CROCC: variants seen among roughly 807,000 people sequenced by gnomAD.
CROCC encodes the protein ciliary rootlet coiled-coil, rootletin.
CROCC carries 180 observed loss-of-function variants against 245.2 expected under a neutral mutation model. The observed-to-expected ratio is 0.73, with a 90% CI of 0.65 to 0.83. The LOEUF is 0.83. CROCC is among the 40% of genes least tolerant of loss of function. CROCC has a pLI of 0.00. For synonymous variants in CROCC, 1,205 were observed against 1,241.6 expected, an observed-to-expected ratio of 0.97 and a Z score of 0.62; for missense variants, 2,688 against 2,779.4, an observed-to-expected ratio of 0.97 and a Z score of 0.74.
Position 16,970,257 on chromosome 1 carries a change from T to C in CROCC, c.5456T>C (p.Leu1819Pro), listed in dbSNP as rs2076492425. 3.2e-6 allele frequency: 5 copies of C among 1,553,846 alleles called. No homozygotes were observed. The highest frequency in any genetic ancestry group is 4.4e-6 in the Non-Finnish European group (5 of 1,145,170). ...EGQLQQLREV[L>P]RQRQEGEAAA... ...CCTGCCTGGCTTCTGTTGCAGGTGC[T>C]GCGGCAGCGGCAGGAGGGTGAGGCT... The change falls in exon 34 of 37, where the codon CTG (leucine) becomes CCG (proline). Residue 1819 changes from leucine to proline, a missense_variant. Leu to Pro is a moderately conservative substitution (Grantham distance 98). Transcript: ENST00000375541.
intron 2 of CROCC, among the ~76,000 whole-genome samples, chr1:16,923,742 G>A (rs538031601): frequency 7.3e-4 from 103 of 141,786 alleles, no homozygotes; most frequent in African/African-American, 2.5e-3. Flanking sequence ...GTGCAGTGGC[G>A]CAATCTCAGC....
intron 21 of CROCC, chr1:16,953,771 A>G (rs1413705145): frequency 1.4e-4 from 50 of 355,334 alleles, no homozygotes; most frequent in Non-Finnish European, 2.2e-4. Context: ...CTGGGCATGG[A>G]TCCTCATGGC....
Position 16,970,266 on chromosome 1 carries a change from G to A in CROCC, c.5465G>A (p.Arg1822Gln), listed in dbSNP as rs372472818. 45 of 1,558,714 alleles carry A rather than the reference G, an allele frequency of 2.9e-5. No homozygotes were observed. Among genetic ancestry groups the A allele is most frequent in the Admixed American group, 1.3e-4 (7 of 53,824 alleles). The change falls in exon 34 of 37, where the codon CGG becomes CAG. Residue 1822 changes from arginine (R) to glutamine (Q), a missense_variant. This residue lies in a region of CROCC where 1,218 missense variants were observed against 1,286.3 expected (regional missense o/e 0.95). Coordinates refer to ENST00000375541, the MANE Select transcript of CROCC (RefSeq NM_014675.5). Reference protein sequence around the residue: ...LQQLREVLRQRQEGEAAALNT... With the variant: ...LQQLREVLRQQQEGEAAALNT... ...CTTCTGTTGCAGGTGCTGCGGCAGC[G>A]GCAGGAGGGTGAGGCTGCAGCCCTG...
upstream of CROCC, among the ~76,000 whole-genome samples, chr1:16,920,903 C>T (rs2075389907): frequency 6.6e-6 from 1 of 152,214 alleles, no homozygotes; most frequent in Non-Finnish European, 1.5e-5. Context: ...ACCACCACAC[C>T]CGGCTAATTT....
At chr1:16,946,684 G>A (rs2076053926) in intron 16 of CROCC, 77 bp from the exon 17 acceptor site, 15 of 1,420,236 alleles carry the variant, frequency 1.1e-5, no homozygotes, top group Admixed American at 8.2e-5. Context: ...ATTGTTGCTG[G>A]TGGGTGGGTG....
chr1:16,914,535 G>A (rs1487219857), intron 1 of CROCC, among the ~76,000 whole-genome samples: 2 of 152,284 alleles, frequency 1.3e-5, no homozygotes, highest in Admixed American at 6.5e-5. Context: ...CCTCGTGTGG[G>A]ATCCGGTTTC....
At position 16,972,367 on chromosome 1, in the gene CROCC, C is replaced by T; in HGVS notation, c.5975C>T (p.Thr1992Ile). ...CTTCCCTTTCTTCCCCAGGTGTCCA[C>T]ACTGAAGGGCCAGCTGCAGCAGGAG... ...RVRGLEEQVSTLKGQLQQELR... is the reference protein window; with the variant it reads ...RVRGLEEQVSILKGQLQQELR... The change falls in exon 37 of 37, where the codon ACA (threonine) becomes ATA (isoleucine). Residue 1992 changes from threonine to isoleucine, a missense_variant. Coordinates refer to ENST00000375541, the MANE Select transcript of CROCC (RefSeq NM_014675.5). The T allele has an allele frequency of 6.2e-7, 1 of 1,613,868 alleles. No homozygotes were observed.
intron 13 of CROCC, among the ~76,000 whole-genome samples, chr1:16,943,579 C>T (rs1216516459): frequency 2.0e-5 from 3 of 151,964 alleles, no homozygotes; most frequent in Non-Finnish European, 4.4e-5. Flanking sequence ...GAAGTTTTTT[C>T]GCACCTATGG....
intron 10 of CROCC, among the ~76,000 whole-genome samples, chr1:16,938,126 T>C (rs2075833035): frequency 6.6e-6 from 1 of 152,236 alleles, no homozygotes. Context: ...GGGTACAGCC[T>C]GGTTTGGTCA....
At position 16,972,530 on chromosome 1, in the gene CROCC, G is replaced by A. The variant is rs948846844; in HGVS notation, c.*84G>A. ...TGGACAGCCCCCCCACCCAGAGCCC[G>A]GTCCCTTGGGGGCCTCAAGCTGGGG... On this transcript the variant is annotated 3_prime_UTR_variant, in exon 37 of 37. Transcript: ENST00000375541. 2.8e-5 allele frequency: 24 copies of A among 872,130 alleles called. No homozygotes were observed. Among genetic ancestry groups the A allele is most frequent in the South Asian group, 2.1e-4 (11 of 53,452 alleles). 54.0% of individuals were successfully genotyped at this position (872,130 alleles called of 1,614,324 possible).
intron 33 of CROCC, 117 bp from the exon 34 acceptor site, chr1:16,970,136 C>A: frequency 8.1e-7 from 1 of 1,230,128 alleles, no homozygotes. Context: ...TGACAATTCT[C>A]TGATGTGGGC....
chr1:16,951,165 G>A, intron 20 of CROCC, 43 bp downstream of exon 20: 1 of 1,414,706 alleles, frequency 7.1e-7, no homozygotes, highest in Non-Finnish European at 9.3e-7. Flanking sequence ...CTGAGCCAGT[G>A]TTTCATCATC....
At chr1:16,935,408 CT>C (rs1444313461) in intron 8 of CROCC, among the ~76,000 whole-genome samples, 1 of 152,208 alleles carries the variant, frequency 6.6e-6, no homozygotes, top group Non-Finnish European at 1.5e-5. Context: ...AACTTCTCCA[CT>C]GGTTTTTTTG....
At chr1:16,939,860 GC>G (rs371835878) in intron 12 of CROCC, 33 bp from the exon 13 acceptor site, 11 of 1,605,518 alleles carry the variant, frequency 6.9e-6, no homozygotes, top group Admixed American at 5.0e-5. Flanking sequence ...GGCCTCTCAG[GC>G]CCCCCCAGAC....
chr1:16,934,892 C>CTTTTTTTTT (rs556637657), intron 8 of CROCC, among the ~76,000 whole-genome samples: 19 of 128,484 alleles, frequency 1.5e-4, no homozygotes, highest in Non-Finnish European at 1.8e-4. Context: ...TCAGCAGTTT[C>CTTTTTTTTT]TTTTTTTTTT....
At position 16,954,843 on chromosome 1, in the gene CROCC, A is replaced by C; in HGVS notation, c.3431A>C (p.Asp1144Ala). 2 of 1,545,282 alleles carry C rather than the reference A, an allele frequency of 1.3e-6. No individual in the cohort carries two copies. The highest frequency in any genetic ancestry group is 1.8e-6 in the Non-Finnish European group (2 of 1,142,158). ...AGGAGGCTGCAAGAGCAGGCCCGAGACCTGGGCAAGCAGCGGGACTCCTGT... is the reference window on the plus strand; with the variant it reads ...AGGAGGCTGCAAGAGCAGGCCCGAGCCCTGGGCAAGCAGCGGGACTCCTGT... ...EVRRLQEQAR[D>A]LGKQRDSCLR... Residue 1144 changes from aspartate (D) to alanine (A), a missense_variant, in exon 23 of 37, where the codon GAC (aspartate) becomes GCC (alanine). By Grantham distance (126) the Asp-to-Ala change is moderately radical (BLOSUM62 -2). This residue lies in a region of CROCC where 1,218 missense variants were observed against 1,286.3 expected (regional missense o/e 0.95). Transcript: ENST00000375541. This position sits in a 1 kb window ranked among gnomAD's most constrained non-coding sequence, Gnocchi z 4.4.
rs766531867 is a variant in CROCC at position 16,924,439 on chromosome 1, G to A, written c.311G>A (p.Arg104His). Residue 104 changes from arginine (R) to histidine (H), a missense_variant, in exon 3 of 37, where the codon CGC (arginine) becomes CAC (histidine). Around this residue, in one of 9 missense-constraint regions of CROCC, gnomAD observed 972 missense variants for 895.3 expected, o/e 1.09. Coordinates refer to ENST00000375541, the MANE Select transcript of CROCC (RefSeq NM_014675.5). ...EDLLAQSRAE[R>H]DELAIKYNAV... ...CTGCTGGCCCAGAGCCGTGCCGAGC[G>A]CGATGAGCTCGCCATTAAGTACAAT... is the stretch of plus-strand genomic sequence containing the variant. The A allele has an allele frequency of 3.7e-5, 59 of 1,613,254 alleles. No individual in the cohort carries two copies. The highest frequency in any genetic ancestry group is 2.0e-4 in the South Asian group (18 of 90,998).
intron 8 of CROCC, among the ~76,000 whole-genome samples, chr1:16,935,559 T>A (rs1274643357): frequency 2.0e-5 from 3 of 152,284 alleles, no homozygotes; most frequent in Non-Finnish European, 4.4e-5. Flanking sequence ...TAGCTGGGAC[T>A]ACAGGCGCCT....
chr1:16,940,169 C>G, intron 13 of CROCC, 76 bp downstream of exon 13: 1 of 1,452,122 alleles, frequency 6.9e-7, no homozygotes, highest in Non-Finnish European at 9.4e-7. Context: ...AAGCCTTATG[C>G]GTATGGCTCT....
Sources: gnomAD v4.1 joint callset for allele counts (sites outside exome capture counted in the v4.1 genomes callset) on GRCh38, gnomAD v4.1.1 for gene constraint, gnomAD v4.1.1 regional missense constraint, Gnocchi (gnomAD v3.1) non-coding constraint, MANE v1.5 for transcripts, NCBI Gene and HGNC (gene_info 2026-07-23, HGNC 2026-07-21) for gene names.